Variants in TXN observed in about 807,000 individuals in gnomAD.
TXN encodes the protein thioredoxin, also known as ADF.
In TXN, 10 loss-of-function variants were observed where a neutral mutation model predicts 16.5. That is an observed-to-expected ratio of 0.61 (90% confidence interval 0.37 to 1.03). The LOEUF is 1.03. Among genes scored for constraint, TXN ranks in the 50% least tolerant of loss-of-function variants. The pLI, the probability that TXN is intolerant of heterozygous loss-of-function variation, is 0.01. For missense variants in TXN, 71 were observed against 122.5 expected (o/e 0.58, Z 1.98); for synonymous variants, 35 against 39.4 (o/e 0.89, Z 0.42).
chr9:110,245,654 A>ATATATATTT (rs1232332404), intron 3 of TXN, among the ~76,000 whole-genome samples: 22 of 21,782 alleles, frequency 1.0e-3, no homozygotes, highest in Non-Finnish European at 1.3e-3. Flanking sequence ...ATATATATAT[A>ATATATATTT]TTTTTTTTTT....
In TXN at chr9:110,256,498, A is replaced by C; in HGVS notation, c.-63T>G. On this transcript the variant is annotated 5_prime_UTR_variant, in exon 1 of 5. Transcript: ENST00000374517. The surrounding 1 kb of genome is among the most constrained non-coding windows in gnomAD (Gnocchi z 4.2). ...GATGGAAATGGATCCAAAGCACCAA[A>C]CAGAGCTTCAAGACTCGCTGCTTGC... The C allele has an allele frequency of 1.3e-6, 2 of 1,550,492 alleles. No homozygotes were observed. The highest frequency in any genetic ancestry group is 8.8e-7 in the Non-Finnish European group (1 of 1,138,958).
At chr9:110,255,861 A>G (rs1433121971) in intron 1 of TXN, among the ~76,000 whole-genome samples, 1 of 152,190 alleles carries the variant, frequency 6.6e-6, no homozygotes, top group African/African-American at 2.4e-5. Context: ...AAGGGAGATC[A>G]CTACCCCCGC....
At chr9:110,245,646 ATATATATATTTTTTTT>A (rs1406411100) in intron 3 of TXN, among the ~76,000 whole-genome samples, 5 of 27,944 alleles carry the variant, frequency 1.8e-4, no homozygotes, top group Admixed American at 1.5e-3. Flanking sequence ...ATATATATAT[ATATATATATTTTTTTT>A]TTTTTTTTTT....
intron 3 of TXN, among the ~76,000 whole-genome samples, chr9:110,245,680 A>G (rs541102076): frequency 6.4e-4 from 56 of 87,860 alleles, no homozygotes; most frequent in African/African-American, 2.5e-3. Flanking sequence ...TTTTATAGGG[A>G]CAAGGTCTCT....
intron 3 of TXN, among the ~76,000 whole-genome samples, chr9:110,245,647 TA>T (rs1322688462): frequency 0.061 from 1,736 of 28,530 alleles, 54 homozygotes; most frequent in Non-Finnish European, 0.077. Context: ...TATATATATA[TA>T]TATATATTTT....
intron 1 of TXN, among the ~76,000 whole-genome samples, chr9:110,255,675 C>G (rs1463944177): frequency 6.6e-6 from 1 of 152,244 alleles, no homozygotes; most frequent in African/African-American, 2.4e-5. Flanking sequence ...GTGGGCGCGG[C>G]CCGGACCTCA....
chr9:110,249,092 A>G (rs112647702), intron 3 of TXN, among the ~76,000 whole-genome samples: 269 of 128,620 alleles, frequency 2.1e-3, no homozygotes, highest in African/African-American at 7.5e-3. Flanking sequence ...ATGCCACTGC[A>G]CTCCACCCCA....
Position 110,245,654 on chromosome 9 carries a change from A to ATATATGTAT in TXN, c.190-812_190-811insATACATATA, listed in dbSNP as rs1232332404. Among the ~76,000 whole-genome samples, 2 of 21,772 alleles carry ATATATGTAT rather than the reference A, an allele frequency of 9.2e-5. 1 individual carries two copies. Among genetic ancestry groups the ATATATGTAT allele is most frequent in the Non-Finnish European group, 1.5e-4 (2 of 13,422 alleles). The allele number at this position is 21,772 out of a possible 152,430, so 14.3% of individuals were successfully genotyped here. A position where few individuals can be genotyped will look rare whatever the true frequency, so the allele number is the denominator to read the frequency against. Reference sequence around the variant, plus strand: ...TATATATATATATATATATATATATATTTTTTTTTTTTTTTTTTTATAGGG... The same window carrying ATATATGTAT: ...TATATATATATATATATATATATATATATATGTATTTTTTTTTTTTTTTTTTTTATAGGG... On this transcript the variant is annotated intron_variant, in intron 3 of 4. Coordinates refer to ENST00000374517, the MANE Select transcript of TXN (RefSeq NM_003329.4).
chr9:110,253,955 T>C lies in TXN; in HGVS notation c.24+2457A>G, dbSNP rs562484254. On this transcript the variant is annotated intron_variant, in intron 1 of 4. Coordinates refer to ENST00000374517, the MANE Select transcript of TXN (RefSeq NM_003329.4). ...AGTCTAAGATCTCGTTGCCTCAACA[T>C]ACCTACTCTGAGGGTAATAAGTGTG... Among the ~76,000 whole-genome samples the C allele has an allele frequency of 5.9e-5, 9 of 152,322 alleles. No homozygotes were observed. In the South Asian group the frequency reaches 1.9e-3, roughly 32 times the overall value.
intron 3 of TXN, among the ~76,000 whole-genome samples, chr9:110,250,587 G>A (rs1837720263): frequency 6.6e-6 from 1 of 152,190 alleles, no homozygotes; most frequent in Non-Finnish European, 1.5e-5. Flanking sequence ...GTGGGTGGCC[G>A]ATAAGATTCA....
chr9:110,253,497 A>T (rs1056845040), intron 1 of TXN, among the ~76,000 whole-genome samples: 2 of 152,374 alleles, frequency 1.3e-5, no homozygotes, highest in African/African-American at 4.8e-5. Flanking sequence ...CAGGTAAGAC[A>T]GGAAAAAAGG....
chr9:110,253,773 A>C (rs1837770806), intron 1 of TXN, among the ~76,000 whole-genome samples: 2 of 152,230 alleles, frequency 1.3e-5, no homozygotes, highest in South Asian at 4.1e-4. Context: ...GATACTTCTA[A>C]ACGGGTATCA....
At chr9:110,245,654 A>ATATTTTTT (rs1232332404) in intron 3 of TXN, among the ~76,000 whole-genome samples, 3 of 21,784 alleles carry the variant, frequency 1.4e-4, no homozygotes, top group African/African-American at 5.9e-4. Context: ...ATATATATAT[A>ATATTTTTT]TTTTTTTTTT....
At chr9:110,244,923 A>G in intron 3 of TXN, 80 bp from the exon 4 acceptor site, 3 of 1,197,476 alleles carry the variant, frequency 2.5e-6, no homozygotes, top group Non-Finnish European at 3.7e-6. Flanking sequence ...ATCCAAAACC[A>G]GAAACTTTTC....
intron 4 of TXN, 137 bp downstream of exon 4, chr9:110,244,641 G>A (rs1312660290): frequency 2.9e-6 from 2 of 691,948 alleles, no homozygotes; most frequent in Non-Finnish European, 5.1e-6. Flanking sequence ...AATGAATTTT[G>A]GCATATTTAA....
intron 1 of TXN, among the ~76,000 whole-genome samples, chr9:110,252,210 G>A (rs544039630): frequency 1.0e-5 from 1 of 98,644 alleles, no homozygotes; most frequent in East Asian, 4.0e-4. Context: ...GGCAATAGAC[G>A]GAGACTCTGT....
intron 3 of TXN, among the ~76,000 whole-genome samples, chr9:110,245,641 TATATATATA>T (rs1421978528): frequency 0.017 from 554 of 32,838 alleles, 69 homozygotes; most frequent in African/African-American, 0.07. Flanking sequence ...TATATATATA[TATATATATA>T]TATATTTTTT....
intron 1 of TXN, among the ~76,000 whole-genome samples, chr9:110,255,013 TC>T (rs1308854988): frequency 1.3e-5 from 2 of 152,056 alleles, no homozygotes; most frequent in African/African-American, 4.8e-5. Flanking sequence ...AAAATGAGAA[TC>T]CCACTAAGAA....
At chr9:110,244,567 A>G (rs991595099) in intron 4 of TXN, among the ~76,000 whole-genome samples, 1 of 152,180 alleles carries the variant, frequency 6.6e-6, no homozygotes, top group Non-Finnish European at 1.5e-5. Flanking sequence ...GCTTTATGAT[A>G]TAAATAGGAC....
Sources: allele counts gnomAD v4.1 joint callset (sites outside exome capture counted in the v4.1 genomes callset), GRCh38; gene constraint gnomAD v4.1.1; non-coding constraint Gnocchi (gnomAD v3.1); transcripts MANE v1.5; gene names NCBI Gene and HGNC (gene_info 2026-07-23, HGNC 2026-07-21).